The following ARHGAP10 variants were observed in gnomAD, a reference collection of about 807,000 sequenced individuals.
The protein encoded by ARHGAP10 is Rho GTPase activating protein 10.
In ARHGAP10, 87 loss-of-function variants were observed where a neutral mutation model predicts 108.6. The ratio of observed to expected loss-of-function variants is 0.80; its 90% CI spans 0.67 to 0.96. ARHGAP10 has a LOEUF of 0.96. Among genes scored for constraint, ARHGAP10 ranks in the 40% least tolerant of loss-of-function variants. The probability of loss-of-function intolerance (pLI) is 0.00; values close to 1 mark genes in which losing one functional copy is unlikely to be tolerated. For synonymous variants in ARHGAP10, 347 were observed against 341.1 expected (o/e 1.02, Z -0.19); for missense variants, 939 against 954.5 (o/e 0.98, Z 0.21).
chr4:147,732,511 CCT>C (rs1168001855), intron 1 of ARHGAP10, 56 bp downstream of exon 1: 3 of 1,598,226 alleles, frequency 1.9e-6, no homozygotes, highest in Non-Finnish European at 2.6e-6. Flanking sequence ...GCTGGGGGAG[CCT>C]CTCTCGGCAG....
chr4:147,732,915 A>G (rs1462322764), intron 1 of ARHGAP10, among the ~76,000 whole-genome samples: 1 of 152,052 alleles, frequency 6.6e-6, no homozygotes, highest in African/African-American at 2.4e-5. Context: ...ACCCTGCGGG[A>G]GTGTTGAGTT....
chr4:147,734,988 G>T (rs536217719), intron 1 of ARHGAP10, among the ~76,000 whole-genome samples: 2 of 152,272 alleles, frequency 1.3e-5, no homozygotes, highest in South Asian at 2.1e-4. Flanking sequence ...CCTGCACGGT[G>T]TCTCCTGTTT....
chr4:147,967,461 GA>G (rs1438033003), intron 18 of ARHGAP10, among the ~76,000 whole-genome samples: 1 of 152,192 alleles, frequency 6.6e-6, no homozygotes, highest in East Asian at 1.9e-4. Flanking sequence ...GGGGAGCAGG[GA>G]AGGGTAAATA....
intron 16 of ARHGAP10, among the ~76,000 whole-genome samples, chr4:147,959,344 G>GT (rs1738905262): frequency 6.6e-6 from 1 of 151,820 alleles, no homozygotes; most frequent in Non-Finnish European, 1.5e-5. Context: ...ATAGTGAAAG[G>GT]TTTTGACTCT....
chr4:147,785,347 G>A (rs995779003), intron 1 of ARHGAP10, among the ~76,000 whole-genome samples: 1 of 151,942 alleles, frequency 6.6e-6, no homozygotes. Flanking sequence ...CTCTGGTCCC[G>A]GATTTGACAT....
At chr4:147,737,611 A>G in intron 1 of ARHGAP10, among the ~76,000 whole-genome samples, 1 of 152,218 alleles carries the variant, frequency 6.6e-6, no homozygotes, top group Non-Finnish European at 1.5e-5. Flanking sequence ...ATACTCATCT[A>G]CACTCTTTGC....
rs376444955 is a variant in ARHGAP10 at position 147,881,970 on chromosome 4, G to A, written c.1034+38G>A. ...AATTATTGGACATGGTGAAAGAGTC[G>A]TTTTAAAAAAATGATTTAAAAAAAT... On this transcript the variant is annotated intron_variant, in intron 10 of 22. Coordinates refer to ENST00000336498, the MANE Select transcript of ARHGAP10 (RefSeq NM_024605.4). 1.1e-3 allele frequency: 1,674 copies of A among 1,582,524 alleles called. 34 individuals carry two copies. In the South Asian group the frequency reaches 0.018, roughly 17 times the overall value.
At chr4:147,953,883 T>C (rs1385248554) in intron 15 of ARHGAP10, among the ~76,000 whole-genome samples, 2 of 151,986 alleles carry the variant, frequency 1.3e-5, no homozygotes, top group African/African-American at 4.8e-5. Flanking sequence ...TTTTTTAATA[T>C]AGGTGTTTAG....
intron 18 of ARHGAP10, among the ~76,000 whole-genome samples, chr4:147,991,543 G>T (rs1740278311): frequency 6.6e-6 from 1 of 152,232 alleles, no homozygotes; most frequent in African/African-American, 2.4e-5. Context: ...TTGGGAGATA[G>T]TCACATGCGC....
chr4:147,977,011 T>A lies in ARHGAP10; in HGVS notation c.1716+10172T>A, dbSNP rs533249627. ...TATAATAATGAGAACATGTTCATGT[T>A]AGGGATGGGATTGAGGTGGAAGAAA... On this transcript the variant is annotated intron_variant, in intron 18 of 22. Transcript: ENST00000336498. Among the ~76,000 whole-genome samples the A allele has an allele frequency of 2.0e-5, 3 of 152,280 alleles. No homozygotes were observed. The South Asian group carries it at 6.2e-4, about 32-fold the overall frequency.
chr4:148,053,026 T>C (rs1578831190), intron 20 of ARHGAP10, among the ~76,000 whole-genome samples: 1 of 152,148 alleles, frequency 6.6e-6, no homozygotes, highest in East Asian at 1.9e-4. Context: ...GAGCATTTAG[T>C]ATTATGGGCC....
intron 1 of ARHGAP10, among the ~76,000 whole-genome samples, chr4:147,741,780 ACACACACACACG>A (rs1259347292): frequency 0.014 from 519 of 37,318 alleles, 5 homozygotes; most frequent in African/African-American, 0.033. Context: ...ACACACACAC[ACACACACACACG>A]CACACACACA....
intron 13 of ARHGAP10, among the ~76,000 whole-genome samples, chr4:147,918,478 C>A (rs1478273455): frequency 6.6e-6 from 1 of 152,066 alleles, no homozygotes; most frequent in Non-Finnish European, 1.5e-5. Flanking sequence ...CAGTGTAAAC[C>A]CATATCGAAA....
intron 18 of ARHGAP10, among the ~76,000 whole-genome samples, chr4:148,016,019 C>G (rs1290747143): frequency 6.6e-6 from 1 of 152,078 alleles, no homozygotes; most frequent in Non-Finnish European, 1.5e-5. Context: ...ACACATTGGT[C>G]AAGACATGTA....
Position 147,995,936 on chromosome 4 carries a change from C to G in ARHGAP10, c.1717-27327C>G, listed in dbSNP as rs563557246. On this transcript the variant is annotated intron_variant, in intron 18 of 22. Coordinates refer to ENST00000336498, the MANE Select transcript of ARHGAP10 (RefSeq NM_024605.4). ...GTTTCACCATGTCAGCCAGGATGGT[C>G]TCCATCTCCTGACCTCGTGATCCGC... is the stretch of plus-strand genomic sequence containing the variant. Among the ~76,000 whole-genome samples the G allele has an allele frequency of 5.6e-4, 85 of 152,248 alleles. No homozygotes were observed. The South Asian group carries it at 6.4e-3, about 12-fold the overall frequency.
intron 3 of ARHGAP10, among the ~76,000 whole-genome samples, chr4:147,830,327 T>A (rs1732898461): frequency 6.6e-6 from 1 of 152,158 alleles, no homozygotes; most frequent in Non-Finnish European, 1.5e-5. Context: ...CAAGACGTGA[T>A]GCCTGCTCTC....
chr4:147,872,088 T>G (rs1579142138), intron 7 of ARHGAP10, among the ~76,000 whole-genome samples: 8 of 117,454 alleles, frequency 6.8e-5, no homozygotes, highest in South Asian at 2.5e-4. Flanking sequence ...ACCAACAGAG[T>G]GAGACTCGGT....
At chr4:148,043,875 A>G (rs1428732721) in intron 19 of ARHGAP10, among the ~76,000 whole-genome samples, 1 of 151,154 alleles carries the variant, frequency 6.6e-6, no homozygotes, top group Non-Finnish European at 1.5e-5. Flanking sequence ...AAAAATGCTA[A>G]TTTGATTTTT....
chr4:147,790,363 G>T (rs1055962859), intron 1 of ARHGAP10, among the ~76,000 whole-genome samples: 5 of 152,110 alleles, frequency 3.3e-5, no homozygotes, highest in Non-Finnish European at 7.3e-5. Context: ...TGAATTTTGG[G>T]GGAAACGCAA....
Sources: allele counts gnomAD v4.1 joint callset (sites outside exome capture counted in the v4.1 genomes callset), GRCh38; gene constraint gnomAD v4.1.1; transcripts MANE v1.5; gene names NCBI Gene and HGNC (gene_info 2026-07-23, HGNC 2026-07-21).